The following OBI1 variants were observed in gnomAD, a reference collection of about 807,000 sequenced individuals.
OBI1 encodes the protein ring finger protein 219.
Under a neutral mutation model 62.4 loss-of-function variants are expected in OBI1, and 59 were observed. The ratio of observed to expected loss-of-function variants is 0.95; its 90% CI spans 0.77 to 1.17. The LOEUF (loss-of-function observed/expected upper bound fraction) is 1.17. OBI1 is among the 50% of genes most tolerant of loss of function. OBI1 has a pLI of 0.00. For synonymous variants in OBI1, 302 were observed against 292.8 expected, an observed-to-expected ratio of 1.03 and a Z score of -0.32; for missense variants, 875 against 830.9, an observed-to-expected ratio of 1.05 and a Z score of -0.65.
chr13:78,638,895 CTCTGCTACAGTT>C lies in OBI1; in HGVS notation c.465_476del (p.Thr156_Glu159del). 6.2e-7 allele frequency: 1 copy of C among 1,613,824 alleles called. No homozygotes were observed. The highest frequency in any genetic ancestry group is 2.2e-5 in the East Asian group (1 of 44,806). ...TAGCTGTTCTGAGTTTTTTCTTCCA[CTCTGCTACAGTT>C]TCTGGGTTAATTTTACTTGGATTAT... On this transcript the variant is annotated inframe_deletion, in exon 4 of 6. Transcript: ENST00000282003.
rs915102440 is a variant in OBI1 at position 78,615,271 on chromosome 13, A to G, written c.*309T>C. 8.3e-6 allele frequency: 2 copies of G among 242,074 alleles called. No individual in the cohort carries two copies. The highest frequency in any genetic ancestry group is 1.6e-5 in the Non-Finnish European group (2 of 126,228). The allele number at this position is 242,074 out of a possible 1,614,324, so 15.0% of individuals were successfully genotyped here. On this transcript the variant is annotated 3_prime_UTR_variant, in exon 6 of 6. Coordinates refer to ENST00000282003, the MANE Select transcript of OBI1 (RefSeq NM_024546.4). ...AACAATGTATATCCAACCGAGATACATATCAAATTCAGTAAAAAAACAAAA... is the reference window on the plus strand; with the variant it reads ...AACAATGTATATCCAACCGAGATACGTATCAAATTCAGTAAAAAAACAAAA...
intron 1 of OBI1, among the ~76,000 whole-genome samples, chr13:78,651,201 C>T (rs994545987): frequency 6.6e-6 from 1 of 152,162 alleles, no homozygotes; most frequent in Non-Finnish European, 1.5e-5. Flanking sequence ...TGCATCTTCA[C>T]CCCAATGAAT....
chr13:78,638,709 T>C, intron 4 of OBI1, 114 bp downstream of exon 4: 1 of 955,850 alleles, frequency 1.0e-6, no homozygotes. Flanking sequence ...CCAGAGATTC[T>C]GTCCTTTCCT....
chr13:78,651,100 A>G (rs961552435), intron 1 of OBI1, among the ~76,000 whole-genome samples: 1 of 152,150 alleles, frequency 6.6e-6, no homozygotes, highest in Non-Finnish European at 1.5e-5. Flanking sequence ...CAGAGATGTT[A>G]TAATTTGAAA....
chr13:78,657,274 AGTT>A (rs1876740539), intron 1 of OBI1, among the ~76,000 whole-genome samples: 5 of 143,074 alleles, frequency 3.5e-5, no homozygotes, highest in African/African-American at 1.3e-4. Flanking sequence ...TTCAGAATAA[AGTT>A]AACCAATACA....
At chr13:78,621,497 A>T (rs1018148351) in intron 5 of OBI1, among the ~76,000 whole-genome samples, 1 of 152,170 alleles carries the variant, frequency 6.6e-6, no homozygotes, top group African/African-American at 2.4e-5. Flanking sequence ...CCAGTAAAAA[A>T]CCCGCATGAC....
chr13:78,640,722 C>T (rs914627857), intron 3 of OBI1, among the ~76,000 whole-genome samples: 1 of 152,148 alleles, frequency 6.6e-6, no homozygotes, highest in Non-Finnish European at 1.5e-5. Context: ...ATTGCTTGAA[C>T]CCAGGAGGCG....
At chr13:78,630,278 A>T (rs941826165) in intron 5 of OBI1, among the ~76,000 whole-genome samples, 2 of 152,052 alleles carry the variant, frequency 1.3e-5, no homozygotes, top group African/African-American at 4.8e-5. Flanking sequence ...TTTTTCCTTA[A>T]TATAAACAAT....
chr13:78,658,356 C>T (rs988689148), intron 1 of OBI1, among the ~76,000 whole-genome samples: 2 of 152,138 alleles, frequency 1.3e-5, no homozygotes, highest in East Asian at 3.9e-4. Context: ...GTTTCTAATT[C>T]AGAACCACTT....
intron 1 of OBI1, among the ~76,000 whole-genome samples, chr13:78,653,403 G>A: frequency 6.6e-6 from 1 of 152,160 alleles, no homozygotes; most frequent in East Asian, 1.9e-4. Flanking sequence ...TATAGTCAAA[G>A]GAATCTTACT....
Position 78,643,560 on chromosome 13 carries a change from G to A in OBI1, c.208+1302C>T, listed in dbSNP as rs576807894. Among the ~76,000 whole-genome samples, 101 of 152,264 alleles carry A rather than the reference G, an allele frequency of 6.6e-4. 1 individual carries two copies. Among genetic ancestry groups the A allele is most frequent in the South Asian group, 6.0e-3 (29 of 4,828 alleles). ...TCCCAGCACTTTGGGAGGCCAAGGC[G>A]GGCAGATCACCTGAGGTCGGGAGTT... On this transcript the variant is annotated intron_variant, in intron 2 of 5. Coordinates refer to ENST00000282003, the MANE Select transcript of OBI1 (RefSeq NM_024546.4).
At chr13:78,638,793 C>A (rs111277093) in intron 4 of OBI1, 30 bp downstream of exon 4, 2 of 1,574,020 alleles carry the variant, frequency 1.3e-6, no homozygotes. Context: ...TAAAAACAAC[C>A]ATAATAGATT....
At chr13:78,626,654 T>G (rs139381802) in intron 5 of OBI1, among the ~76,000 whole-genome samples, 26 of 152,288 alleles carry the variant, frequency 1.7e-4, no homozygotes, top group African/African-American at 5.1e-4. Context: ...TACAGTATGA[T>G]GAATGTGGGC....
chr13:78,658,822 C>T (rs1876791328), intron 1 of OBI1, among the ~76,000 whole-genome samples: 2 of 152,170 alleles, frequency 1.3e-5, no homozygotes, highest in African/African-American at 2.4e-5. Context: ...CCCGGCAGAC[C>T]ACGGGCCGCT....
intron 3 of OBI1, among the ~76,000 whole-genome samples, chr13:78,641,322 G>A (rs1227347375): frequency 6.6e-6 from 1 of 151,978 alleles, no homozygotes; most frequent in Non-Finnish European, 1.5e-5. Context: ...ATATATGTAA[G>A]GAACACATAT....
intron 4 of OBI1, among the ~76,000 whole-genome samples, chr13:78,635,887 C>T (rs1444543648): frequency 2.0e-5 from 3 of 152,154 alleles, no homozygotes; most frequent in South Asian, 2.1e-4. Context: ...CTCAGCCTCC[C>T]GAAGAGCTGG....
At chr13:78,625,954 C>A (rs755003977) in intron 5 of OBI1, among the ~76,000 whole-genome samples, 35 of 152,246 alleles carry the variant, frequency 2.3e-4, no homozygotes, top group Non-Finnish European at 3.4e-4. Context: ...TGATGAGGAA[C>A]CAAAAGGTTA....
intron 5 of OBI1, among the ~76,000 whole-genome samples, chr13:78,634,061 C>A (rs1183960652): frequency 6.7e-6 from 1 of 149,560 alleles, no homozygotes; most frequent in Non-Finnish European, 1.5e-5. Context: ...GAGCAAGACT[C>A]CGTCTCAAAA....
intron 5 of OBI1, among the ~76,000 whole-genome samples, chr13:78,626,498 T>C (rs1389822268): frequency 6.6e-6 from 1 of 152,034 alleles, no homozygotes; most frequent in Non-Finnish European, 1.5e-5. Context: ...TAATCAAAAG[T>C]ACAAGAGGAA....
Sources: allele counts gnomAD v4.1 joint callset (sites outside exome capture counted in the v4.1 genomes callset), GRCh38; gene constraint gnomAD v4.1.1; transcripts MANE v1.5; gene names NCBI Gene and HGNC (gene_info 2026-07-23, HGNC 2026-07-21).